TRIM25: variants seen among roughly 807,000 people sequenced by gnomAD.
TRIM25 encodes tripartite motif containing 25.
In TRIM25, 45 loss-of-function variants were observed where a neutral mutation model predicts 65.2. The observed-to-expected ratio is 0.69, with a 90% confidence interval of 0.54 to 0.89. TRIM25 has a LOEUF of 0.89. TRIM25 is among the 40% of genes least tolerant of loss of function. TRIM25 has a pLI of 0.00. For synonymous variants in TRIM25, 321 were observed against 340.4 expected, an observed-to-expected ratio of 0.94 and a Z score of 0.63; for missense variants, 714 against 803.7, an observed-to-expected ratio of 0.89 and a Z score of 1.35.
Position 56,913,311 on chromosome 17 carries a change from G to T in TRIM25, c.597+81C>A. ...CCCATCTCCCCAGGGCGTCCAGAGT[G>T]TGGCAGAGAGGCCCCCGGTGGCCCC... On this transcript the variant is annotated intron_variant, in intron 1 of 8. Transcript: ENST00000316881. The surrounding 1 kb of genome is among the most constrained non-coding windows in gnomAD (Gnocchi z 6.1). The T allele has an allele frequency of 1.5e-6, 2 of 1,344,168 alleles. No homozygotes were observed. The highest frequency in any genetic ancestry group is 1.0e-6 in the Non-Finnish European group (1 of 995,830). The allele number at this position is 1,344,168 out of a possible 1,614,324, so 83.3% of individuals were successfully genotyped here. A position where few individuals can be genotyped will look rare whatever the true frequency, so the allele number is the denominator to read the frequency against.
At chr17:56,904,228 A>T in intron 3 of TRIM25, 27 bp downstream of exon 3, 1 of 1,545,180 alleles carries the variant, frequency 6.5e-7, no homozygotes, top group Non-Finnish European at 8.8e-7. Flanking sequence ...AAAAAAAAAC[A>T]TTCAACAATG....
chr17:56,901,626 A>T, intron 3 of TRIM25, 48 bp from the exon 4 acceptor site: 1 of 1,608,024 alleles, frequency 6.2e-7, no homozygotes, highest in East Asian at 2.2e-5. Context: ...TGAAACGGGG[A>T]CCTGGGCTCA....
intron 4 of TRIM25, 32 bp downstream of exon 4, chr17:56,901,387 C>T (rs543447118): frequency 2.4e-5 from 39 of 1,605,524 alleles, no homozygotes; most frequent in South Asian, 2.1e-4. Flanking sequence ...CAGGGTTCCA[C>T]AGGGGGCAGC....
chr17:56,909,115 G>A (rs1909578202), intron 1 of TRIM25, among the ~76,000 whole-genome samples: 1 of 152,020 alleles, frequency 6.6e-6, no homozygotes, highest in Non-Finnish European at 1.5e-5. Context: ...TCCTCCCACT[G>A]CAAACAGCCA....
In TRIM25 at chr17:56,890,896, C is replaced by A. The variant is rs1357889422; in HGVS notation, c.*804G>T. 1 of 456,564 alleles carries A rather than the reference C, an allele frequency of 2.2e-6. No individual in the cohort carries two copies. Among genetic ancestry groups the A allele is most frequent in the East Asian group, 6.9e-5 (1 of 14,402 alleles). The allele number at this position is 456,564 out of a possible 1,614,324, so 28.3% of individuals were successfully genotyped here. Reference sequence around the variant, plus strand: ...CTCCAGCAAAGCTCATGGCTGCCACCAAAGCATCTCTGCCAAGATGCTTCT... The same window carrying A: ...CTCCAGCAAAGCTCATGGCTGCCACAAAAGCATCTCTGCCAAGATGCTTCT... On this transcript the variant is annotated 3_prime_UTR_variant, in exon 9 of 9. Coordinates refer to ENST00000316881, the MANE Select transcript of TRIM25 (RefSeq NM_005082.5).
intron 5 of TRIM25, among the ~76,000 whole-genome samples, chr17:56,896,197 A>G (rs150578231): frequency 6.6e-6 from 1 of 152,340 alleles, no homozygotes; most frequent in Admixed American, 6.5e-5. Flanking sequence ...GAAATTCTTT[A>G]TCTTGATTTG....
chr17:56,913,824 G>A lies in TRIM25; in HGVS notation c.165C>T (p.Ala55=), dbSNP rs747740633. 1.9e-6 allele frequency: 3 copies of A among 1,562,776 alleles called. No individual in the cohort carries two copies. In the East Asian group the frequency reaches 7.2e-5, roughly 37 times the overall value. Residue 55 remains alanine (A), a synonymous_variant, in exon 1 of 9, where the codon GCC becomes GCT. Transcript: ENST00000316881. The surrounding 1 kb of genome is among the most constrained non-coding windows in gnomAD (Gnocchi z 6.1). ...GCAGCTGCGGTCGCGCCTGGTAGAC[G>A]GCGCGGCACTGCGGGCACAGGTATG... ...GSPYLCPQCR[A]VYQARPQLHK...
intron 3 of TRIM25, among the ~76,000 whole-genome samples, chr17:56,902,834 G>T (rs993943665): frequency 2.0e-5 from 3 of 152,160 alleles, no homozygotes; most frequent in Admixed American, 2.0e-4. Context: ...TGTTCGTGTC[G>T]TGGGGGTGGA....
rs1909114242 is a variant in TRIM25 at position 56,889,030 on chromosome 17, A to G, written c.*2670T>C. 1 of 152,212 alleles carries G rather than the reference A, an allele frequency of 6.6e-6. No homozygotes were observed. The highest frequency in any genetic ancestry group is 1.5e-5 in the Non-Finnish European group (1 of 68,032). 9.4% of individuals were successfully genotyped at this position (152,212 alleles called of 1,614,324 possible). A position where few individuals can be genotyped will look rare whatever the true frequency, so the allele number is the denominator to read the frequency against. ...AAAGAGTTAACTCTAAAAAAATATTAAGCTCAAGAAATAACAGCTCAAATA... is the reference window on the plus strand; with the variant it reads ...AAAGAGTTAACTCTAAAAAAATATTGAGCTCAAGAAATAACAGCTCAAATA... On this transcript the variant is annotated 3_prime_UTR_variant, in exon 9 of 9. Transcript: ENST00000316881.
chr17:56,906,691 C>A (rs550022315), intron 2 of TRIM25, among the ~76,000 whole-genome samples: 1 of 152,120 alleles, frequency 6.6e-6, no homozygotes, highest in Admixed American at 6.5e-5. Flanking sequence ...GATGGGGTTT[C>A]GCCATGTTGG....
Position 56,888,586 on chromosome 17 carries a change from T to C in TRIM25, c.*3114A>G, listed in dbSNP as rs1909104585. On this transcript the variant is annotated 3_prime_UTR_variant, in exon 9 of 9. Coordinates refer to ENST00000316881, the MANE Select transcript of TRIM25 (RefSeq NM_005082.5). ...AATATAATGAACCCTCACACCTCCA[T>C]CCCTAGTAACTGATTATCCGTGTGT... The C allele has an allele frequency of 6.6e-6, 1 of 151,944 alleles. No homozygotes were observed. 9.4% of individuals were successfully genotyped at this position (151,944 alleles called of 1,614,324 possible). A position where few individuals can be genotyped will look rare whatever the true frequency, so the allele number is the denominator to read the frequency against.
intron 8 of TRIM25, among the ~76,000 whole-genome samples, chr17:56,893,741 G>C (rs912756670): frequency 4.6e-5 from 7 of 152,240 alleles, no homozygotes; most frequent in Non-Finnish European, 1.0e-4. Context: ...GCTTGCAAAG[G>C]AGGGGTGGAT....
At position 56,913,584 on chromosome 17, in the gene TRIM25, G is replaced by T. The variant is rs1266050005; in HGVS notation, c.405C>A (p.Phe135Leu). Residue 135 changes from phenylalanine to leucine, a missense_variant, in exon 1 of 9, where the codon TTC becomes TTA. Phe to Leu is a conservative substitution (Grantham distance 22). Transcript: ENST00000316881. This position sits in a 1 kb window ranked among gnomAD's most constrained non-coding sequence, Gnocchi z 6.1. Reference sequence around the variant, plus strand: ...GGTGGTCCTGGAAGGCGGGGCTGTCGAAGTGCGGCTGCAGGTGCTCCTGAC... The same window carrying T: ...GGTGGTCCTGGAAGGCGGGGCTGTCTAAGTGCGGCTGCAGGTGCTCCTGAC... ...SFCQEHLQPH[F>L]DSPAFQDHPL... The T allele has an allele frequency of 2.5e-6, 4 of 1,611,238 alleles. No homozygotes were observed. The highest frequency in any genetic ancestry group is 2.2e-5 in the South Asian group (2 of 90,760).
chr17:56,896,022 A>G, intron 5 of TRIM25, 70 bp from the exon 6 acceptor site: 1 of 1,463,372 alleles, frequency 6.8e-7, no homozygotes. Flanking sequence ...AAATAATAAC[A>G]TTCATGTGCA....
intron 5 of TRIM25, 142 bp from the exon 6 acceptor site, chr17:56,896,094 C>A: frequency 1.1e-6 from 1 of 895,956 alleles, no homozygotes; most frequent in South Asian, 1.7e-5. Flanking sequence ...AGTCAGCAGG[C>A]AAAATGAATC....
At chr17:56,902,863 G>A (rs986129104) in intron 3 of TRIM25, among the ~76,000 whole-genome samples, 5 of 152,194 alleles carry the variant, frequency 3.3e-5, no homozygotes, top group African/African-American at 9.7e-5. Flanking sequence ...GCACCGCTTG[G>A]TGCCCTCCCC....
chr17:56,902,904 GTTGT>G (rs753594557), intron 3 of TRIM25, among the ~76,000 whole-genome samples: 6 of 152,166 alleles, frequency 3.9e-5, no homozygotes, highest in Non-Finnish European at 8.8e-5. Flanking sequence ...GCACAAACTG[GTTGT>G]TTAACGGAGG....
At chr17:56,895,683 T>G in intron 6 of TRIM25, 79 bp from the exon 7 acceptor site, 1 of 1,412,492 alleles carries the variant, frequency 7.1e-7, no homozygotes, top group South Asian at 1.4e-5. Context: ...AAGAGCCACT[T>G]CTACAAACAC....
At chr17:56,910,372 GT>G (rs1360178286) in intron 1 of TRIM25, among the ~76,000 whole-genome samples, 3 of 152,200 alleles carry the variant, frequency 2.0e-5, no homozygotes, top group African/African-American at 4.8e-5. Flanking sequence ...TGCTCATGAT[GT>G]TTCAAACTTG....
Sources: allele counts gnomAD v4.1 joint callset (sites outside exome capture counted in the v4.1 genomes callset), GRCh38; gene constraint gnomAD v4.1.1; non-coding constraint Gnocchi (gnomAD v3.1); transcripts MANE v1.5; gene names NCBI Gene and HGNC (gene_info 2026-07-23, HGNC 2026-07-21).